The following DPH6 variants were observed in gnomAD, a reference collection of about 807,000 sequenced individuals.
DPH6 encodes diphthamine biosynthesis 6.
Under a neutral mutation model 38.2 loss-of-function variants are expected in DPH6, and 33 were observed. The ratio of observed to expected loss-of-function variants is 0.86; its 90% confidence interval spans 0.65 to 1.15. The LOEUF is 1.15. Ranked by LOEUF, DPH6 falls within the 50% of genes most tolerant of loss-of-function variation. The probability of loss-of-function intolerance (pLI) is 0.00; values close to 1 mark genes in which losing one functional copy is unlikely to be tolerated. For synonymous variants in DPH6, 108 were observed against 103.0 expected, an observed-to-expected ratio of 1.05 and a Z score of -0.30; for missense variants, 325 against 320.0, an observed-to-expected ratio of 1.02 and a Z score of -0.12.
At chr15:35,277,987 T>A (rs575348343) in intron 3 of DPH6, among the ~76,000 whole-genome samples, 40 of 152,314 alleles carry the variant, frequency 2.6e-4, no homozygotes, top group Middle Eastern at 3.4e-3. Flanking sequence ...CAAATTTGCA[T>A]CCTGGTACAT....
intron 3 of DPH6, among the ~76,000 whole-genome samples, chr15:35,312,903 T>C (rs1294000568): frequency 1.3e-5 from 2 of 152,170 alleles, no homozygotes; most frequent in Admixed American, 1.3e-4. Flanking sequence ...ACCACTACCA[T>C]GTAGATTTGG....
At chr15:35,296,317 T>G (rs1298686426) in intron 3 of DPH6, among the ~76,000 whole-genome samples, 1 of 152,198 alleles carries the variant, frequency 6.6e-6, no homozygotes, top group Non-Finnish European at 1.5e-5. Flanking sequence ...TTCTAAAATT[T>G]TGATTTTTAA....
chr15:35,510,237 G>A (rs1027846842), intron 3 of DPH6, among the ~76,000 whole-genome samples: 8 of 152,042 alleles, frequency 5.3e-5, no homozygotes, highest in Non-Finnish European at 7.4e-5. Context: ...AAAAACAGGT[G>A]TTTTGATGAT....
intron 3 of DPH6, among the ~76,000 whole-genome samples, chr15:35,230,467 G>A (rs1294403515): frequency 6.6e-6 from 1 of 152,124 alleles, no homozygotes; most frequent in South Asian, 2.1e-4. Flanking sequence ...CCATCCAAAA[G>A]CGAAGTCCTG....
chr15:35,320,085 T>A (rs1175725901), intron 3 of DPH6, among the ~76,000 whole-genome samples: 1 of 152,194 alleles, frequency 6.6e-6, no homozygotes, highest in Admixed American at 6.5e-5. Context: ...AACTACTGAT[T>A]TTTAAAAAAT....
intron 3 of DPH6, among the ~76,000 whole-genome samples, chr15:35,534,391 A>G (rs559411451): frequency 5.9e-4 from 90 of 151,454 alleles, no homozygotes; most frequent in South Asian, 3.1e-3. Flanking sequence ...AAAAAAAAAA[A>G]AAAAGAAAAG....
intron 3 of DPH6, among the ~76,000 whole-genome samples, chr15:35,526,726 A>C (rs2141248198): frequency 6.6e-6 from 1 of 152,318 alleles, no homozygotes; most frequent in Admixed American, 6.5e-5. Flanking sequence ...GAGTTCATAC[A>C]AAATATACTG....
intron 3 of DPH6, among the ~76,000 whole-genome samples, chr15:35,527,784 A>G (rs1169109474): frequency 6.6e-6 from 1 of 152,186 alleles, no homozygotes; most frequent in East Asian, 1.9e-4. Flanking sequence ...AGAATCTGAG[A>G]AAAGACAAAA....
chr15:35,529,927 A>G lies in DPH6; in HGVS notation c.312+8347T>C, dbSNP rs190373184. 5.9e-5 allele frequency among the ~76,000 whole-genome samples: 9 copies of G among 152,246 alleles called. No homozygotes were observed. In the South Asian group the frequency reaches 1.7e-3, roughly 28 times the overall value. On this transcript the variant is annotated intron_variant, in intron 3 of 8. Transcript: ENST00000256538. ...TAAAAAATAAAAAAAAACACTAAGT[A>G]TTTATCAATAATATCATTTTTTTTG...
the DPH6 span, among the ~76,000 whole-genome samples, chr15:35,180,059 G>C: frequency 6.6e-6 from 1 of 152,108 alleles, no homozygotes; most frequent in Non-Finnish European, 1.5e-5. Flanking sequence ...CCCATCTAAT[G>C]ATCTAACGAA....
At chr15:35,463,841 C>T (rs2054094575) in intron 3 of DPH6, among the ~76,000 whole-genome samples, 1 of 152,068 alleles carries the variant, frequency 6.6e-6, no homozygotes, top group African/African-American at 2.4e-5. Flanking sequence ...AGCTGTCAGA[C>T]ACAATCATTC....
At chr15:35,277,094 A>G (rs2051864327) in intron 3 of DPH6, among the ~76,000 whole-genome samples, 1 of 152,114 alleles carries the variant, frequency 6.6e-6, no homozygotes, top group South Asian at 2.1e-4. Context: ...TGTGTCATCT[A>G]TGATTTCTTT....
the DPH6 span, among the ~76,000 whole-genome samples, chr15:35,183,538 A>C: frequency 1.3e-5 from 2 of 152,250 alleles, no homozygotes; most frequent in African/African-American, 4.8e-5. Context: ...GAAAATAATT[A>C]CAGATTATAA....
intron 3 of DPH6, among the ~76,000 whole-genome samples, chr15:35,277,548 C>A (rs1204060601): frequency 6.6e-6 from 1 of 152,036 alleles, no homozygotes; most frequent in Non-Finnish European, 1.5e-5. Flanking sequence ...GGTTTTGGAA[C>A]TGGGTAACAG....
chr15:35,471,537 A>C (rs987938695), intron 3 of DPH6, among the ~76,000 whole-genome samples: 2 of 152,136 alleles, frequency 1.3e-5, no homozygotes, highest in Admixed American at 6.5e-5. Context: ...TTTTCTCTCT[A>C]ATCTACCTTT....
intron 3 of DPH6, chr15:35,520,297 C>T: frequency 1.0e-6 from 1 of 969,830 alleles, no homozygotes. Flanking sequence ...AATTTTATTA[C>T]ACATAAAAAC....
At chr15:35,324,857 T>C (rs2052269262) in intron 3 of DPH6, among the ~76,000 whole-genome samples, 1 of 152,180 alleles carries the variant, frequency 6.6e-6, no homozygotes, top group Non-Finnish European at 1.5e-5. Flanking sequence ...AAGATGTGTC[T>C]GTCTTAACAA....
intron 3 of DPH6, among the ~76,000 whole-genome samples, chr15:35,238,580 G>A (rs1006471508): frequency 3.9e-5 from 6 of 152,132 alleles, no homozygotes; most frequent in Non-Finnish European, 8.8e-5. Context: ...TCTCTTCTTG[G>A]AAATTTGGGA....
chr15:35,160,630 C>T, the DPH6 span, among the ~76,000 whole-genome samples: 12 of 151,696 alleles, frequency 7.9e-5, no homozygotes, highest in Admixed American at 4.0e-4. Context: ...AGTAGGCCCC[C>T]GGGTCTATTC....
Sources: gnomAD v4.1 joint callset for allele counts (sites outside exome capture counted in the v4.1 genomes callset) on GRCh38, gnomAD v4.1.1 for gene constraint, MANE v1.5 for transcripts, NCBI Gene and HGNC (gene_info 2026-07-23, HGNC 2026-07-21) for gene names.